Variants in CCDC191 observed in about 807,000 individuals in gnomAD.
CCDC191 encodes the protein coiled-coil domain containing 191, also known as coiled-coil domain-containing protein 191.
Under a neutral mutation model 114.0 loss-of-function variants are expected in CCDC191, and 99 were observed. The observed-to-expected ratio is 0.87, with a 90% confidence interval of 0.74 to 1.03. The LOEUF is 1.03. Ranked by LOEUF, CCDC191 falls within the 50% of genes least tolerant of loss-of-function variation. CCDC191 has a pLI of 0.00. For missense variants in CCDC191, 973 were observed against 1,087.0 expected (o/e 0.90, Z 1.47); for synonymous variants, 351 against 376.0 (o/e 0.93, Z 0.77).
At chr3:113,983,533 T>A (rs961648511) in intron 13 of CCDC191, among the ~76,000 whole-genome samples, 1 of 152,144 alleles carries the variant, frequency 6.6e-6, no homozygotes, top group South Asian at 2.1e-4. Flanking sequence ...AAATATCACC[T>A]CCTCAGAGAG....
At chr3:113,974,343 G>A (rs900703383) in intron 16 of CCDC191, among the ~76,000 whole-genome samples, 5 of 147,168 alleles carry the variant, frequency 3.4e-5, no homozygotes, top group African/African-American at 1.3e-4. Context: ...TTTTGGAGAT[G>A]GAGTCTTGCT....
chr3:114,017,426 C>T (rs2076177712), intron 8 of CCDC191, among the ~76,000 whole-genome samples: 1 of 152,206 alleles, frequency 6.6e-6, no homozygotes, highest in African/African-American at 2.4e-5. Flanking sequence ...TACTCCTCAA[C>T]ACCTGTACAG....
chr3:113,981,466 A>T (rs539389276), intron 13 of CCDC191, among the ~76,000 whole-genome samples: 1 of 152,276 alleles, frequency 6.6e-6, no homozygotes, highest in East Asian at 1.9e-4. Context: ...TAATAAAAAT[A>T]GCTTATTGTA....
At chr3:114,025,869 C>T (rs1215036594) in intron 7 of CCDC191, among the ~76,000 whole-genome samples, 1 of 152,122 alleles carries the variant, frequency 6.6e-6, no homozygotes, top group East Asian at 1.9e-4. Flanking sequence ...TAGCTTACTT[C>T]AGAATATATC....
intron 16 of CCDC191, 31 bp downstream of exon 16, chr3:113,978,155 G>A: frequency 1.2e-6 from 2 of 1,610,048 alleles, no homozygotes; most frequent in Non-Finnish European, 1.7e-6. Context: ...TGAAGTCAGA[G>A]AGTGAATTTT....
chr3:114,024,306 TCTAGAA>T (rs1464578226), intron 7 of CCDC191, among the ~76,000 whole-genome samples: 1 of 152,170 alleles, frequency 6.6e-6, no homozygotes, highest in Non-Finnish European at 1.5e-5. Context: ...TCCTCAGGGA[TCTAGAA>T]CTAGAAATAC....
At chr3:114,001,535 C>T in intron 13 of CCDC191, 60 bp downstream of exon 13, 1 of 1,588,078 alleles carries the variant, frequency 6.3e-7, no homozygotes, top group Admixed American at 1.8e-5. Flanking sequence ...TGGATAGGGC[C>T]ACAGTATCAC....
chr3:113,995,182 T>C (rs2075686217), intron 13 of CCDC191, among the ~76,000 whole-genome samples: 1 of 151,968 alleles, frequency 6.6e-6, no homozygotes, highest in African/African-American at 2.4e-5. Flanking sequence ...TTGCCAGGGG[T>C]TAGGGGCTGG....
intron 2 of CCDC191, among the ~76,000 whole-genome samples, chr3:114,050,513 A>AG (rs944845106): frequency 2.0e-5 from 3 of 152,188 alleles, no homozygotes; most frequent in African/African-American, 7.2e-5. Context: ...GAGGTAGGTA[A>AG]GGGGGATTTG....
intron 4 of CCDC191, among the ~76,000 whole-genome samples, chr3:114,038,000 G>A (rs1391245999): frequency 1.3e-5 from 2 of 152,132 alleles, no homozygotes; most frequent in Non-Finnish European, 2.9e-5. Context: ...TCATATTATA[G>A]CTAAATGCTT....
At chr3:114,029,946 A>C (rs2076381042) in intron 7 of CCDC191, among the ~76,000 whole-genome samples, 2 of 152,184 alleles carry the variant, frequency 1.3e-5, no homozygotes, top group Admixed American at 1.3e-4. Flanking sequence ...ATGCAGTGTG[A>C]AATTATGGAT....
At chr3:114,022,958 C>T (rs1247597469) in intron 7 of CCDC191, among the ~76,000 whole-genome samples, 1 of 152,154 alleles carries the variant, frequency 6.6e-6, no homozygotes, top group East Asian at 1.9e-4. Context: ...ATCTAGAAAA[C>T]CCCATCGTCT....
chr3:114,001,760 T>C, intron 12 of CCDC191, 64 bp from the exon 13 acceptor site: 2 of 1,600,368 alleles, frequency 1.2e-6, no homozygotes, highest in Non-Finnish European at 1.7e-6. Flanking sequence ...TGATCTTTTA[T>C]GTTTAGGATA....
At chr3:114,004,362 C>G in intron 11 of CCDC191, 1 of 1,014,456 alleles carries the variant, frequency 9.9e-7, no homozygotes, top group Non-Finnish European at 1.2e-6. Flanking sequence ...CAATCCAAAT[C>G]TCAAATTACA....
intron 13 of CCDC191, among the ~76,000 whole-genome samples, chr3:113,992,727 T>TAAA (rs112780146): frequency 6.6e-6 from 1 of 150,774 alleles, no homozygotes; most frequent in African/African-American, 2.4e-5. Flanking sequence ...TAAAGTATAA[T>TAAA]AAAAAAAAAG....
intron 13 of CCDC191, among the ~76,000 whole-genome samples, chr3:113,994,022 C>T (rs2075650024): frequency 6.6e-6 from 1 of 152,182 alleles, no homozygotes; most frequent in African/African-American, 2.4e-5. Context: ...ACAACACCAA[C>T]AGCACAATCC....
chr3:114,030,417 T>C (rs1325880934), intron 7 of CCDC191, among the ~76,000 whole-genome samples: 2 of 152,182 alleles, frequency 1.3e-5, no homozygotes, highest in Non-Finnish European at 2.9e-5. Context: ...CTCTTCTTAT[T>C]TTCTCTTTGA....
At chr3:114,019,915 C>T (rs374938202) in intron 7 of CCDC191, among the ~76,000 whole-genome samples, 152 of 152,258 alleles carry the variant, frequency 1.0e-3, no homozygotes, top group Non-Finnish European at 1.6e-3. Context: ...ACCCAACACA[C>T]TATATTGTAA....
chr3:113,993,332 A>G (rs1293411098), intron 13 of CCDC191, among the ~76,000 whole-genome samples: 1 of 152,198 alleles, frequency 6.6e-6, no homozygotes, highest in African/African-American at 2.4e-5. Flanking sequence ...AAAATAGAGT[A>G]GCAGAATTCA....
Sources: gnomAD v4.1 joint callset for allele counts (sites outside exome capture counted in the v4.1 genomes callset) on GRCh38, gnomAD v4.1.1 for gene constraint, MANE v1.5 for transcripts, NCBI Gene and HGNC (gene_info 2026-07-23, HGNC 2026-07-21) for gene names.